Variants in FAM161A observed in about 807,000 individuals in gnomAD.
FAM161A encodes FAM161 centrosomal protein A.
In FAM161A, 57 loss-of-function variants were observed where a neutral mutation model predicts 70.9. That is an observed-to-expected ratio of 0.80 (90% CI 0.65 to 1.00). The LOEUF is 1.00. Among genes scored for constraint, FAM161A ranks in the 50% least tolerant of loss-of-function variants. The pLI is 0.00. For synonymous variants in FAM161A, 299 were observed against 295.7 expected, an observed-to-expected ratio of 1.01 and a Z score of -0.12; for missense variants, 880 against 836.0, an observed-to-expected ratio of 1.05 and a Z score of -0.65.
the FAM161A span, among the ~76,000 whole-genome samples, chr2:61,809,898 G>T: frequency 6.6e-6 from 1 of 152,142 alleles, no homozygotes. Flanking sequence ...AGGAGGAAAG[G>T]GTATTGGGAC....
intron 2 of FAM161A, 33 bp from the exon 3 acceptor site, chr2:61,840,614 A>G: frequency 1.4e-6 from 2 of 1,421,040 alleles, no homozygotes; most frequent in Non-Finnish European, 2.0e-6. Flanking sequence ...TTATACTTTC[A>G]GTTGTATGTG....
At chr2:61,831,610 G>C (rs1258238553) in intron 5 of FAM161A, among the ~76,000 whole-genome samples, 1 of 152,154 alleles carries the variant, frequency 6.6e-6, no homozygotes, top group Non-Finnish European at 1.5e-5. Flanking sequence ...ATCACATGAA[G>C]ACAGTCAGAT....
chr2:61,814,875 A>C, the FAM161A span, among the ~76,000 whole-genome samples: 3 of 152,150 alleles, frequency 2.0e-5, no homozygotes, highest in Non-Finnish European at 4.4e-5. Flanking sequence ...TTTCAGCCAG[A>C]GGCTAAATCC....
intron 1 of FAM161A, among the ~76,000 whole-genome samples, chr2:61,846,217 G>C (rs1673209186): frequency 6.6e-6 from 1 of 152,108 alleles, no homozygotes; most frequent in African/African-American, 2.4e-5. Context: ...GGGTTGGGGA[G>C]GCTGTGCATA....
chr2:61,835,859 T>C (rs1672748776), intron 5 of FAM161A, 151 bp downstream of exon 5: 3 of 686,688 alleles, frequency 4.4e-6, no homozygotes, highest in African/African-American at 1.8e-5. Flanking sequence ...AAATTACTCA[T>C]TGGCTGATAT....
At chr2:61,830,639 A>T (rs563932760) in intron 5 of FAM161A, among the ~76,000 whole-genome samples, 7 of 142,538 alleles carry the variant, frequency 4.9e-5, no homozygotes, top group Non-Finnish European at 9.1e-5. Flanking sequence ...AGCCGAGATC[A>T]CGCCACTGCA....
chr2:61,845,611 C>A (rs1673176612), intron 1 of FAM161A, among the ~76,000 whole-genome samples: 1 of 147,576 alleles, frequency 6.8e-6, no homozygotes, highest in South Asian at 2.2e-4. Flanking sequence ...CTGCTTGAGG[C>A]CAGGAGTTCC....
chr2:61,842,074 A>G, intron 2 of FAM161A, 48 bp downstream of exon 2: 1 of 1,170,024 alleles, frequency 8.5e-7, no homozygotes, highest in Non-Finnish European at 1.3e-6. Flanking sequence ...CCTTTTAAGG[A>G]TACATTTTAT....
the FAM161A span, among the ~76,000 whole-genome samples, chr2:61,815,614 G>A: frequency 4.2e-5 from 6 of 141,256 alleles, no homozygotes; most frequent in Admixed American, 1.5e-4. Flanking sequence ...GCAGTGGCGC[G>A]GTCTCAGCTC....
chr2:61,816,290 C>T, the FAM161A span, among the ~76,000 whole-genome samples: 1 of 152,162 alleles, frequency 6.6e-6, no homozygotes, highest in Non-Finnish European at 1.5e-5. Context: ...CATTCACCCT[C>T]CCACTGCCTG....
chr2:61,835,869 T>A, intron 5 of FAM161A, 141 bp downstream of exon 5: 1 of 714,586 alleles, frequency 1.4e-6, no homozygotes, highest in Non-Finnish European at 2.5e-6. Flanking sequence ...TTGGCTGATA[T>A]GATGAAGCCA....
chr2:61,814,170 G>T, the FAM161A span, among the ~76,000 whole-genome samples: 1 of 152,148 alleles, frequency 6.6e-6, no homozygotes, highest in Non-Finnish European at 1.5e-5. Flanking sequence ...ACCTACCAGT[G>T]AGAAAATTAT....
the FAM161A span, among the ~76,000 whole-genome samples, chr2:61,808,413 C>T: frequency 6.6e-6 from 1 of 152,026 alleles, no homozygotes; most frequent in Non-Finnish European, 1.5e-5. Context: ...GCTGGGGCTA[C>T]AGGCGCCTGC....
At chr2:61,813,881 A>G in the FAM161A span, among the ~76,000 whole-genome samples, 2 of 152,220 alleles carry the variant, frequency 1.3e-5, no homozygotes, top group Admixed American at 6.5e-5. Context: ...GCTCTGGGCC[A>G]GGCCTGGGGA....
At chr2:61,822,062 C>T (rs767759557), downstream of FAM161A, among the ~76,000 whole-genome samples, 3 of 151,090 alleles carry the variant, frequency 2.0e-5, no homozygotes, top group South Asian at 6.5e-4. Context: ...AGCCACTGTG[C>T]CTGGCAGAAT....
At chr2:61,833,425 CA>C (rs35987360) in intron 5 of FAM161A, among the ~76,000 whole-genome samples, 1,630 of 110,694 alleles carry the variant, frequency 0.015, 17 homozygotes, top group African/African-American at 0.051. Context: ...GACTCTGTCT[CA>C]AAAAAAAAAA....
rs1672922356 is a variant in FAM161A, at chr2:61,839,605, TAGATGCATGTGG to T, written c.1387_1398del (p.Pro463_Ser466del). The T allele has an allele frequency of 6.2e-7, 1 of 1,614,222 alleles. No homozygotes were observed. Among genetic ancestry groups the T allele is most frequent in the Non-Finnish European group, 8.5e-7 (1 of 1,180,040 alleles). On this transcript the variant is annotated inframe_deletion, in exon 3 of 7. Transcript: ENST00000404929. ...TCTGCCAAAATTTTTTCTCTTTTAA[TAGATGCATGTGG>T]AGATGCATGAAGATCAAATGGTTTA... is the stretch of plus-strand genomic sequence containing the variant.
At chr2:61,850,472 C>T (rs892662989) in intron 1 of FAM161A, among the ~76,000 whole-genome samples, 15 of 152,078 alleles carry the variant, frequency 9.9e-5, no homozygotes, top group Non-Finnish European at 4.4e-5. Context: ...GACAGTGGAG[C>T]CAGGCACAGT....
the FAM161A span, among the ~76,000 whole-genome samples, chr2:61,808,436 C>G: frequency 6.6e-6 from 1 of 152,048 alleles, no homozygotes; most frequent in Non-Finnish European, 1.5e-5. Flanking sequence ...CCATGCCTAG[C>G]TAATTCTTTG....
Sources: allele counts gnomAD v4.1 joint callset (sites outside exome capture counted in the v4.1 genomes callset), GRCh38; gene constraint gnomAD v4.1.1; transcripts MANE v1.5; gene names NCBI Gene and HGNC (gene_info 2026-07-23, HGNC 2026-07-21).